GSE1: variants seen among roughly 807,000 people sequenced by gnomAD.
The protein encoded by GSE1 is Gse1 coiled-coil protein.
A neutral mutation model predicts 112.6 loss-of-function variants in GSE1; 32 were observed. The observed-to-expected ratio is 0.28, with a 90% CI of 0.21 to 0.38. The LOEUF (loss-of-function observed/expected upper bound fraction) is 0.38, where lower values mean the gene tolerates loss of function less well. GSE1 is among the 10% of genes least tolerant of loss of function. The pLI is 1.00. For synonymous variants in GSE1, 1,115 were observed against 735.6 expected (o/e 1.52, Z -8.35); for missense variants, 2,348 against 1,699.2 (o/e 1.38, Z -6.71).
At chr16:85,446,839 G>A (rs2326486) in intron 2 of GSE1, among the ~76,000 whole-genome samples, 9,623 of 152,134 alleles carry the variant, frequency 0.063, 377 homozygotes, top group African/African-American at 0.091. Flanking sequence ...GGAGCTTCCC[G>A]AGGTTCCTCC....
chr16:85,277,360 G>C (rs1909470713), intron 1 of GSE1, among the ~76,000 whole-genome samples: 2 of 152,184 alleles, frequency 1.3e-5, no homozygotes, highest in African/African-American at 4.8e-5. Context: ...AGGAGAGAAT[G>C]GGGTTCCAGG....
chr16:85,388,596 A>G (rs555892931), intron 2 of GSE1, among the ~76,000 whole-genome samples: 36 of 145,198 alleles, frequency 2.5e-4, no homozygotes, highest in African/African-American at 9.2e-4. Context: ...GGGTGGATGG[A>G]TGGATGGTTG....
chr16:85,648,000 G>T (rs551430695), intron 2 of GSE1, among the ~76,000 whole-genome samples: 1 of 151,868 alleles, frequency 6.6e-6, no homozygotes, highest in Non-Finnish European at 1.5e-5. Context: ...GCACATGGGG[G>T]CTCCCCGGGA....
chr16:85,663,547 C>T lies in GSE1; in HGVS notation c.2577C>T (p.Asn859=). 6.2e-7 allele frequency: 1 copy of T among 1,614,006 alleles called. No homozygotes were observed. The highest frequency in any genetic ancestry group is 1.1e-5 in the South Asian group (1 of 91,074). Residue 859 remains asparagine (N), a synonymous_variant, in exon 11 of 16, where the codon AAC becomes AAT. Transcript: ENST00000253458. ...YSPDEMNNSP[N]FEEKKKFLTI... is the part of the protein sequence containing the mutation. ...CTGATGAGATGAACAACAGTCCCAA[C>T]TTCGAAGAAAAGAAGAAGTTCCTGA...
intron 1 of GSE1, among the ~76,000 whole-genome samples, chr16:85,174,557 A>G (rs566980785): frequency 6.6e-6 from 1 of 152,280 alleles, no homozygotes; most frequent in African/African-American, 2.4e-5. Flanking sequence ...TTCAACAAAT[A>G]TTTATGGAGC....
intron 1 of GSE1, among the ~76,000 whole-genome samples, chr16:85,335,527 G>A (rs911127389): frequency 2.0e-5 from 3 of 152,216 alleles, no homozygotes; most frequent in African/African-American, 7.2e-5. Flanking sequence ...CTCCCTGCAG[G>A]TGCTGGGGCG....
chr16:85,565,672 G>T (rs1336469196), intron 1 of GSE1, among the ~76,000 whole-genome samples: 1 of 152,128 alleles, frequency 6.6e-6, no homozygotes, highest in Admixed American at 6.5e-5. Context: ...GGGGATGCCA[G>T]TGCCCACTGG....
At chr16:85,589,005 G>A (rs1482988264) in intron 1 of GSE1, among the ~76,000 whole-genome samples, 2 of 152,114 alleles carry the variant, frequency 1.3e-5, no homozygotes, top group Non-Finnish European at 2.9e-5. Flanking sequence ...ACACATCTGC[G>A]GGTGGGGTAC....
At chr16:85,187,536 G>C (rs185628255) in intron 1 of GSE1, among the ~76,000 whole-genome samples, 1 of 152,374 alleles carries the variant, frequency 6.6e-6, no homozygotes. Flanking sequence ...AAAAGAAGCT[G>C]AGGCCAGCGC....
intron 1 of GSE1, among the ~76,000 whole-genome samples, chr16:85,615,692 C>T (rs1175350269): frequency 6.6e-6 from 1 of 152,218 alleles, no homozygotes; most frequent in Non-Finnish European, 1.5e-5. Context: ...GTGGCGCAGG[C>T]TCTGAGCTGT....
rs200749475 is a variant in GSE1 at position 85,657,307 on chromosome 16, C to A, written c.1343C>A (p.Pro448His). The A allele has an allele frequency of 8.8e-6, 14 of 1,591,500 alleles. No homozygotes were observed. The Admixed American group carries it at 2.4e-4, about 28-fold the overall frequency. The change falls in exon 8 of 16, where the codon CCC (proline) becomes CAC (histidine). Residue 448 changes from proline to histidine, a missense_variant. Transcript: ENST00000253458. ...CTGAAGGATGCCGGCCTGCAGGCGC[C>A]CAAGCCCGTCCAACACCCCTTGCAT... is the stretch of plus-strand genomic sequence containing the variant. ...EKLKDAGLQA[P>H]KPVQHPLHPV...
intron 2 of GSE1, among the ~76,000 whole-genome samples, chr16:85,468,632 C>T (rs1358721643): frequency 1.3e-5 from 2 of 152,028 alleles, no homozygotes; most frequent in African/African-American, 4.8e-5. Flanking sequence ...CTCGTAGGGC[C>T]CTTCTGTGCC....
intron 1 of GSE1, among the ~76,000 whole-genome samples, chr16:85,337,307 CTT>C (rs750709031): frequency 4.5e-5 from 6 of 133,492 alleles, no homozygotes; most frequent in Non-Finnish European, 4.8e-5. Context: ...CTTTTCTTTT[CTT>C]TTTTTTTTTT....
upstream of GSE1, among the ~76,000 whole-genome samples, chr16:85,553,171 G>A (rs74031839): frequency 1.3e-5 from 2 of 150,800 alleles, no homozygotes; most frequent in African/African-American, 4.9e-5. Context: ...AGATCATGCA[G>A]CTCGCGGGTG....
intron 2 of GSE1, among the ~76,000 whole-genome samples, chr16:85,543,219 A>G (rs2044584973): frequency 6.6e-6 from 1 of 152,106 alleles, no homozygotes; most frequent in African/African-American, 2.4e-5. Context: ...TCAAAAAAAA[A>G]AAAAAAAAAA....
intron 1 of GSE1, among the ~76,000 whole-genome samples, chr16:85,234,280 T>G (rs1022185809): frequency 6.6e-6 from 1 of 152,094 alleles, no homozygotes; most frequent in African/African-American, 2.4e-5. Context: ...ACTGCCTCAT[T>G]TTGAAACCAG....
intron 1 of GSE1, among the ~76,000 whole-genome samples, chr16:85,271,984 C>T (rs1268035583): frequency 2.6e-5 from 4 of 152,210 alleles, no homozygotes; most frequent in Non-Finnish European, 4.4e-5. Flanking sequence ...GCAAGGGTTC[C>T]CCTTCCAAAC....
At chr16:85,418,161 G>A (rs958439553) in intron 2 of GSE1, among the ~76,000 whole-genome samples, 4 of 152,230 alleles carry the variant, frequency 2.6e-5, no homozygotes, top group South Asian at 2.1e-4. Context: ...TAACAATGCC[G>A]CCATTGGCCC....
chr16:85,647,481 C>G (rs1237197105), intron 2 of GSE1, among the ~76,000 whole-genome samples: 1 of 152,230 alleles, frequency 6.6e-6, no homozygotes, highest in African/African-American at 2.4e-5. Context: ...TTTAAAGAAA[C>G]TCCCCCAGGG....
Sources: allele counts gnomAD v4.1 joint callset (sites outside exome capture counted in the v4.1 genomes callset), GRCh38; gene constraint gnomAD v4.1.1; transcripts MANE v1.5; gene names NCBI Gene and HGNC (gene_info 2026-07-23, HGNC 2026-07-21).